The following PLXNC1 variants were observed in gnomAD, a reference collection of about 807,000 sequenced individuals.
PLXNC1 encodes plexin C1.
Under a neutral mutation model 178.2 loss-of-function variants are expected in PLXNC1, and 75 were observed. The observed-to-expected ratio is 0.42, with a 90% CI of 0.35 to 0.51. The LOEUF (loss-of-function observed/expected upper bound fraction) is 0.51. Among genes scored for constraint, PLXNC1 ranks in the 20% least tolerant of loss-of-function variants. The pLI is 0.02. For synonymous variants in PLXNC1, 790 were observed against 779.9 expected, an observed-to-expected ratio of 1.01 and a Z score of -0.22; for missense variants, 1,503 against 1,984.4, an observed-to-expected ratio of 0.76 and a Z score of 4.61.
At chr12:94,154,585 G>A (rs1013800802) in intron 1 of PLXNC1, among the ~76,000 whole-genome samples, 1 of 152,184 alleles carries the variant, frequency 6.6e-6, no homozygotes, top group African/African-American at 2.4e-5. Context: ...CCACTGCCAT[G>A]GACAGTCTGT....
chr12:94,227,860 G>A (rs965145387), intron 9 of PLXNC1, among the ~76,000 whole-genome samples: 9 of 152,168 alleles, frequency 5.9e-5, no homozygotes, highest in African/African-American at 2.2e-4. Flanking sequence ...ATTTCTGGGC[G>A]GAACACATGT....
At chr12:94,203,973 C>T (rs574589850) in intron 4 of PLXNC1, among the ~76,000 whole-genome samples, 46 of 152,334 alleles carry the variant, frequency 3.0e-4, no homozygotes, top group Non-Finnish European at 5.1e-4. Context: ...TGTTCACATG[C>T]GCATGCCCTC....
intron 1 of PLXNC1, among the ~76,000 whole-genome samples, chr12:94,157,893 T>C (rs906038948): frequency 1.3e-5 from 2 of 152,234 alleles, no homozygotes; most frequent in Non-Finnish European, 2.9e-5. Flanking sequence ...TCCATTAAAA[T>C]GTTATGGACA....
intron 20 of PLXNC1, among the ~76,000 whole-genome samples, chr12:94,264,588 T>G (rs1403576913): frequency 6.6e-6 from 1 of 152,240 alleles, no homozygotes; most frequent in Non-Finnish European, 1.5e-5. Flanking sequence ...GAAGTGCTGT[T>G]AACACCAAAA....
At chr12:94,178,735 A>G (rs561759853) in intron 2 of PLXNC1, among the ~76,000 whole-genome samples, 141 of 152,316 alleles carry the variant, frequency 9.3e-4, no homozygotes, top group African/African-American at 3.1e-3. Context: ...AACACTTGAA[A>G]TGTTGCTAGT....
chr12:94,290,580 C>T (rs1038138401), intron 23 of PLXNC1, among the ~76,000 whole-genome samples: 2 of 152,218 alleles, frequency 1.3e-5, no homozygotes, highest in African/African-American at 2.4e-5. Context: ...CTAAACTTAG[C>T]GGCTGGCTGG....
At chr12:94,205,174 A>G (rs893071746) in intron 4 of PLXNC1, among the ~76,000 whole-genome samples, 1 of 152,148 alleles carries the variant, frequency 6.6e-6, no homozygotes, top group African/African-American at 2.4e-5. Context: ...CCTGCTTGGA[A>G]ACTTCAGCTC....
intron 5 of PLXNC1, among the ~76,000 whole-genome samples, chr12:94,216,162 G>C (rs1259930427): frequency 6.6e-6 from 1 of 152,038 alleles, no homozygotes; most frequent in Non-Finnish European, 1.5e-5. Flanking sequence ...CAGCTACTCG[G>C]GAGGCTGAGG....
chr12:94,305,927 C>G lies in PLXNC1; in HGVS notation c.*642C>G, dbSNP rs1214746472. ...GTCATCAACTGCACTCCATCAAACT[C>G]ACCTCCATTTCACCAAGGAGCTCTA... is the stretch of plus-strand genomic sequence containing the variant. On this transcript the variant is annotated 3_prime_UTR_variant, in exon 31 of 31. Coordinates refer to ENST00000258526, the MANE Select transcript of PLXNC1 (RefSeq NM_005761.3). 1.3e-5 allele frequency: 2 copies of G among 149,596 alleles called. No homozygotes were observed. The highest frequency in any genetic ancestry group is 2.6e-5 in the African/African-American group (1 of 38,952). 9.3% of individuals were successfully genotyped at this position (149,596 alleles called of 1,614,324 possible). A position where few individuals can be genotyped will look rare whatever the true frequency, so the allele number is the denominator to read the frequency against.
rs531727794 is a variant in PLXNC1 at position 94,255,349 on chromosome 12, G to T, written c.3087+53G>T. The T allele has an allele frequency of 1.6e-4, 191 of 1,203,658 alleles. 2 individuals are homozygous for T. The African/African-American group carries it at 2.6e-3, about 16-fold the overall frequency. The allele number at this position is 1,203,658 out of a possible 1,614,324, so 74.6% of individuals were successfully genotyped here. A position where few individuals can be genotyped will look rare whatever the true frequency, so the allele number is the denominator to read the frequency against. ...GGTTGAGTCTTGAATAATAATGAAG[G>T]TGCTTGTTGCTGTTGTCAAAACGAG... On this transcript the variant is annotated intron_variant, in intron 17 of 30. Coordinates refer to ENST00000258526, the MANE Select transcript of PLXNC1 (RefSeq NM_005761.3).
At chr12:94,284,366 C>A (rs962098008) in intron 23 of PLXNC1, among the ~76,000 whole-genome samples, 1 of 152,082 alleles carries the variant, frequency 6.6e-6, no homozygotes, top group African/African-American at 2.4e-5. Flanking sequence ...CAGTCTACAT[C>A]CAGAAATGAG....
At chr12:94,178,178 C>A (rs566269728) in intron 2 of PLXNC1, among the ~76,000 whole-genome samples, 126 of 152,306 alleles carry the variant, frequency 8.3e-4, no homozygotes, top group Admixed American at 3.7e-3. Context: ...ACTGAAAAAA[C>A]CAGGTATTTT....
At position 94,279,720 on chromosome 12, in the gene PLXNC1, G is replaced by A. The variant is rs754428792; in HGVS notation, c.3775+71G>A. On this transcript the variant is annotated intron_variant, in intron 22 of 30. Transcript: ENST00000258526. Reference sequence around the variant, plus strand: ...CCCTCCCTGCCTGCCCTCCCTCCCTGTCCCCCCTCCCTGCCCCCACCAGCT... The same window carrying A: ...CCCTCCCTGCCTGCCCTCCCTCCCTATCCCCCCTCCCTGCCCCCACCAGCT... 3.7e-5 allele frequency: 48 copies of A among 1,314,862 alleles called. No homozygotes were observed. The South Asian group carries it at 4.8e-4, about 13-fold the overall frequency. 81.4% of individuals were successfully genotyped at this position (1,314,862 alleles called of 1,614,324 possible). A position where few individuals can be genotyped will look rare whatever the true frequency, so the allele number is the denominator to read the frequency against.
rs576676551 is a variant in PLXNC1, at chr12:94,209,943, C to T, written c.1554+239C>T. On this transcript the variant is annotated intron_variant, in intron 5 of 30. Transcript: ENST00000258526. ...ATGGGCCTGCTCTCATGGAGTTTGTCGTCTTGTGGAGCTGAAGATGACCCT... is the reference window on the plus strand; with the variant it reads ...ATGGGCCTGCTCTCATGGAGTTTGTTGTCTTGTGGAGCTGAAGATGACCCT... 2.6e-4 allele frequency among the ~76,000 whole-genome samples: 39 copies of T among 152,178 alleles called. No individual in the cohort carries two copies. In the South Asian group the frequency reaches 3.5e-3, roughly 14 times the overall value.
intron 1 of PLXNC1, among the ~76,000 whole-genome samples, chr12:94,166,435 G>A (rs953343798): frequency 2.0e-5 from 3 of 152,064 alleles, no homozygotes; most frequent in African/African-American, 7.2e-5. Flanking sequence ...TAGGTGGTCT[G>A]GCTGGCTCTC....
rs371781665 is a variant in PLXNC1 at position 94,177,406 on chromosome 12, G to C, written c.1204-4040G>C. ...TCTATGGCTATCAGGACAAGCTTCA[G>C]TGCAAGCCACGCTAAGTAGCTTTTT... On this transcript the variant is annotated intron_variant, in intron 2 of 30. Coordinates refer to ENST00000258526, the MANE Select transcript of PLXNC1 (RefSeq NM_005761.3). 2.7e-4 allele frequency among the ~76,000 whole-genome samples: 40 copies of C among 150,568 alleles called. 1 individual carries two copies. The South Asian group carries it at 8.2e-3, about 31-fold the overall frequency.
Position 94,307,060 on chromosome 12 carries a change from G to A in PLXNC1, c.*1775G>A, listed in dbSNP as rs1354688476. ...CCAAAAGACTTCCCCTACTACTTTA[G>A]GGTACTGAAAACTCAAAGGATCAGC... is the stretch of plus-strand genomic sequence containing the variant. On this transcript the variant is annotated 3_prime_UTR_variant, in exon 31 of 31. Transcript: ENST00000258526. 1 of 152,156 alleles carries A rather than the reference G, an allele frequency of 6.6e-6. No individual in the cohort carries two copies. Among genetic ancestry groups the A allele is most frequent in the Non-Finnish European group, 1.5e-5 (1 of 68,038 alleles). The allele number at this position is 152,156 out of a possible 1,614,324, so 9.4% of individuals were successfully genotyped here. A position where few individuals can be genotyped will look rare whatever the true frequency, so the allele number is the denominator to read the frequency against.
chr12:94,208,714 T>G (rs1963378477), intron 4 of PLXNC1, among the ~76,000 whole-genome samples: 5 of 152,258 alleles, frequency 3.3e-5, no homozygotes, highest in Admixed American at 3.3e-4. Flanking sequence ...TTCAATGGAA[T>G]ATCTGTGGAG....
chr12:94,271,175 TTTTA>T (rs1456600361), intron 21 of PLXNC1, among the ~76,000 whole-genome samples: 7 of 152,234 alleles, frequency 4.6e-5, no homozygotes, highest in African/African-American at 1.7e-4. Context: ...ATTTTATAGG[TTTTA>T]TTTAATGAAA....
Sources: allele counts gnomAD v4.1 joint callset (sites outside exome capture counted in the v4.1 genomes callset), GRCh38; gene constraint gnomAD v4.1.1; transcripts MANE v1.5; gene names NCBI Gene and HGNC (gene_info 2026-07-23, HGNC 2026-07-21).